The following ZHX3 variants were observed in gnomAD, a reference collection of about 807,000 sequenced individuals.
The protein encoded by ZHX3 is zinc fingers and homeoboxes 3.
Under a neutral mutation model 64.5 loss-of-function variants are expected in ZHX3, and 20 were observed. The ratio of observed to expected loss-of-function variants is 0.31; its 90% CI spans 0.22 to 0.45. The LOEUF (loss-of-function observed/expected upper bound fraction) is 0.45. Ranked by LOEUF, ZHX3 falls within the 20% of genes least tolerant of loss-of-function variation. ZHX3 has a pLI of 1.00. For synonymous variants in ZHX3, 423 were observed against 461.6 expected, an observed-to-expected ratio of 0.92 and a Z score of 1.07; for missense variants, 1,041 against 1,195.8, an observed-to-expected ratio of 0.87 and a Z score of 1.91.
intron 2 of ZHX3, among the ~76,000 whole-genome samples, chr20:41,210,115 A>G (rs1027488791): frequency 3.9e-5 from 6 of 152,264 alleles, no homozygotes; most frequent in African/African-American, 1.4e-4. Flanking sequence ...ATCACTGGCC[A>G]TCAGAGAAAT....
intron 2 of ZHX3, among the ~76,000 whole-genome samples, chr20:41,249,199 T>C (rs1411491040): frequency 6.6e-6 from 1 of 152,106 alleles, no homozygotes; most frequent in East Asian, 1.9e-4. Flanking sequence ...AAGAAAAACT[T>C]GGTCATTGTT....
rs191906231 is a variant in ZHX3 at position 41,312,784 on chromosome 20, A to C, written c.-245+4725T>G. On this transcript the variant is annotated intron_variant, in intron 1 of 3. Transcript: ENST00000683867. ...AGGTGTTCAATCTGACAAGCATGGC[A>C]AACAAGGAGGGGAGCCTGGAGAGGG... is the stretch of plus-strand genomic sequence containing the variant. Among the ~76,000 whole-genome samples, 156 of 152,328 alleles carry C rather than the reference A, an allele frequency of 1.0e-3. 1 individual carries two copies. Among genetic ancestry groups the C allele is most frequent in the African/African-American group, 3.4e-3 (143 of 41,582 alleles).
At chr20:41,316,582 C>T (rs1600686526) in intron 1 of ZHX3, among the ~76,000 whole-genome samples, 2 of 152,248 alleles carry the variant, frequency 1.3e-5, no homozygotes, top group East Asian at 3.9e-4. Flanking sequence ...TTTAGGATAT[C>T]TGGATAAATA....
rs748696753 is a variant in ZHX3, at chr20:41,203,043, C to T, written c.1874G>A (p.Arg625Lys). Residue 625 changes from arginine (R) to lysine (K), a missense_variant, in exon 3 of 4, where the codon AGA becomes AAA. Arg to Lys is a conservative substitution (Grantham distance 26, BLOSUM62 2). Coordinates refer to ENST00000683867, the MANE Select transcript of ZHX3 (RefSeq NM_001384317.1). This position sits in a 1 kb window ranked among gnomAD's most constrained non-coding sequence, Gnocchi z 7.1. The part of the protein sequence containing the change: ...KYKERAPEQL[R>K]ALESSFAQNP... ...TTGTGCAAAACTGCTCTCCAGGGCT[C>T]TGAGCTGCTCAGGGGCTCTCTCCTT... is the stretch of plus-strand genomic sequence containing the variant. 5.6e-6 allele frequency: 9 copies of T among 1,614,082 alleles called. No homozygotes were observed. Among genetic ancestry groups the T allele is most frequent in the Non-Finnish European group, 5.9e-6 (7 of 1,180,052 alleles).
chr20:41,304,190 T>C (rs1450445295), intron 1 of ZHX3, among the ~76,000 whole-genome samples: 1 of 152,182 alleles, frequency 6.6e-6, no homozygotes, highest in South Asian at 2.1e-4. Flanking sequence ...CCTCACTAAA[T>C]GTTGGTATTT....
chr20:41,221,668 C>G (rs6072310), intron 2 of ZHX3, among the ~76,000 whole-genome samples: 88,093 of 152,088 alleles, frequency 0.58, 26,844 homozygotes, highest in East Asian at 0.82. Flanking sequence ...TGGAGCATGG[C>G]AGGGGTGAGA....
At chr20:41,193,823 C>T (rs182388538) in intron 3 of ZHX3, among the ~76,000 whole-genome samples, 1 of 151,998 alleles carries the variant, frequency 6.6e-6, no homozygotes, top group African/African-American at 2.4e-5. Context: ...TCTCCTGCCT[C>T]AGCCCTAACC....
rs1403106797 is a variant in ZHX3 at position 41,181,783 on chromosome 20, A to ATGAGACCACTAGTACATGTG, written c.*3388_*3407dup. On this transcript the variant is annotated 3_prime_UTR_variant, in exon 4 of 4. Transcript: ENST00000683867. ...GACGGCCTCCCAAGGCTAGCTGGAG[A>ATGAGACCACTAGTACATGTG]TGAGACCACTAGTACATGTGTGAGC... The ATGAGACCACTAGTACATGTG allele has an allele frequency of 7.9e-5, 12 of 152,388 alleles. No homozygotes were observed. Among genetic ancestry groups the ATGAGACCACTAGTACATGTG allele is most frequent in the Admixed American group, 7.8e-4 (12 of 15,302 alleles). The allele number at this position is 152,388 out of a possible 1,614,324, so 9.4% of individuals were successfully genotyped here. A position where few individuals can be genotyped will look rare whatever the true frequency, so the allele number is the denominator to read the frequency against.
chr20:41,252,329 C>T (rs764405931), intron 2 of ZHX3, among the ~76,000 whole-genome samples: 23 of 152,198 alleles, frequency 1.5e-4, no homozygotes, highest in Non-Finnish European at 3.1e-4. Context: ...AGCAGGACTA[C>T]TGGATGCCTG....
At chr20:41,280,795 G>A (rs1213954533) in intron 1 of ZHX3, among the ~76,000 whole-genome samples, 1 of 151,872 alleles carries the variant, frequency 6.6e-6, no homozygotes, top group Non-Finnish European at 1.5e-5. Flanking sequence ...TGATTTAGAA[G>A]ATCAAACTGA....
At chr20:41,243,843 A>C (rs370357097) in intron 2 of ZHX3, among the ~76,000 whole-genome samples, 1 of 152,136 alleles carries the variant, frequency 6.6e-6, no homozygotes, top group Admixed American at 6.5e-5. Flanking sequence ...AAACCCTATG[A>C]CGAGGATCAA....
Position 41,204,039 on chromosome 20 carries a change from G to A in ZHX3, c.878C>T (p.Ala293Val), listed in dbSNP as rs368644644. 1.9e-5 allele frequency: 30 copies of A among 1,613,916 alleles called. No homozygotes were observed. Among genetic ancestry groups the A allele is most frequent in the Non-Finnish European group, 2.5e-5 (30 of 1,179,922 alleles). ...GATCATCACTTTGGGAAGGGCCTTG[G>A]CCGTGGGCAGTGGCTGGTGGACATG... Reference protein sequence around the residue: ...QHHVHQPLPTAKALPKVMIPL... With the variant: ...QHHVHQPLPTVKALPKVMIPL... The change falls in exon 3 of 4, where the codon GCC becomes GTC. Residue 293 changes from alanine to valine, a missense_variant. By Grantham distance (64) the Ala-to-Val change is moderately conservative (BLOSUM62 0). This residue lies in a region of ZHX3 where 358 missense variants were observed against 369.1 expected (regional missense o/e 0.97). Coordinates refer to ENST00000683867, the MANE Select transcript of ZHX3 (RefSeq NM_001384317.1). The surrounding 1 kb of genome is among the most constrained non-coding windows in gnomAD (Gnocchi z 6.6).
chr20:41,274,665 A>G (rs1425345775), intron 1 of ZHX3, among the ~76,000 whole-genome samples: 1 of 152,212 alleles, frequency 6.6e-6, no homozygotes, highest in Non-Finnish European at 1.5e-5. Flanking sequence ...AATTGCAAGG[A>G]AAGTATATAT....
intron 2 of ZHX3, among the ~76,000 whole-genome samples, chr20:41,218,921 CTGTT>C (rs1349285691): frequency 8.7e-5 from 12 of 138,008 alleles, no homozygotes; most frequent in African/African-American, 3.0e-4. Context: ...TCAAACAGTG[CTGTT>C]TTTTTTTTTT....
At chr20:41,197,429 A>G (rs899725809) in intron 3 of ZHX3, among the ~76,000 whole-genome samples, 4 of 147,884 alleles carry the variant, frequency 2.7e-5, no homozygotes, top group African/African-American at 4.9e-5. Context: ...TAAAATATAT[A>G]TATTTTTTTT....
intron 1 of ZHX3, among the ~76,000 whole-genome samples, chr20:41,279,945 T>A (rs976633849): frequency 2.0e-5 from 3 of 152,146 alleles, no homozygotes; most frequent in Non-Finnish European, 4.4e-5. Flanking sequence ...ATTAGAGGCC[T>A]ATGGAACAGC....
intron 3 of ZHX3, among the ~76,000 whole-genome samples, chr20:41,199,702 CTT>C (rs34316877): frequency 4.5e-4 from 62 of 136,540 alleles, no homozygotes; most frequent in Admixed American, 8.1e-4. Context: ...TCAAAAAACT[CTT>C]TTTTTTTTTT....
chr20:41,311,103 C>T (rs915421646), intron 1 of ZHX3, among the ~76,000 whole-genome samples: 5 of 152,042 alleles, frequency 3.3e-5, no homozygotes, highest in Admixed American at 6.5e-5. Flanking sequence ...CCACCGTGCC[C>T]GGCCAATTCT....
At chr20:41,270,868 T>C (rs2043110582) in intron 1 of ZHX3, among the ~76,000 whole-genome samples, 1 of 152,160 alleles carries the variant, frequency 6.6e-6, no homozygotes, top group Non-Finnish European at 1.5e-5. Context: ...AATAATTTAC[T>C]GAGAAACAAC....
Sources: allele counts gnomAD v4.1 joint callset (sites outside exome capture counted in the v4.1 genomes callset), GRCh38; gene constraint gnomAD v4.1.1; regional missense constraint gnomAD v4.1.1; non-coding constraint Gnocchi (gnomAD v3.1); transcripts MANE v1.5; gene names NCBI Gene and HGNC (gene_info 2026-07-23, HGNC 2026-07-21).